Variants in IL1RAPL2 observed in about 807,000 individuals in gnomAD.
IL1RAPL2 encodes X-linked interleukin-1 receptor accessory protein-like 2.
In IL1RAPL2, 3 loss-of-function variants were observed where a neutral mutation model predicts 44.1. That is an observed-to-expected ratio of 0.07 (90% CI 0.03 to 0.18). The LOEUF is 0.18. Ranked by LOEUF, IL1RAPL2 falls within the 10% of genes least tolerant of loss-of-function variation. The pLI, the probability that IL1RAPL2 is intolerant of heterozygous loss-of-function variation, is 1.00. For missense variants in IL1RAPL2, 391 were observed against 496.4 expected (o/e 0.79, Z 2.02); for synonymous variants, 181 against 178.8 (o/e 1.01, Z -0.10).
intron 1 of IL1RAPL2, among the ~76,000 whole-genome samples, chrX:104,577,303 A>G (rs1226896159): frequency 9.0e-6 from 1 of 111,723 alleles, no homozygotes; most frequent in East Asian, 2.8e-4. Flanking sequence ...ATGCAGAAGA[A>G]TATTTAGGTA....
At chrX:105,075,678 T>C (rs1227305760) in intron 2 of IL1RAPL2, among the ~76,000 whole-genome samples, 6 of 111,971 alleles carry the variant, frequency 5.4e-5, no homozygotes, top group African/African-American at 1.9e-4. Flanking sequence ...GTCCTGGACT[T>C]TTTTTGGTTG....
intron 1 of IL1RAPL2, among the ~76,000 whole-genome samples, chrX:104,605,680 A>G (rs1928992906): frequency 8.9e-6 from 1 of 112,329 alleles, no homozygotes; most frequent in Admixed American, 9.4e-5. Context: ...ATTAGAGAAT[A>G]CTATAAACAC....
chrX:104,780,895 G>T (rs894231756), intron 2 of IL1RAPL2, among the ~76,000 whole-genome samples: 12 of 111,013 alleles, frequency 1.1e-4, no homozygotes, highest in African/African-American at 3.6e-4. Flanking sequence ...AAGCCTATTT[G>T]GTATGAACAG....
intron 5 of IL1RAPL2, among the ~76,000 whole-genome samples, chrX:105,379,995 A>T (rs2147722695): frequency 8.9e-6 from 1 of 111,778 alleles, no homozygotes; most frequent in South Asian, 3.7e-4. Flanking sequence ...GGTAATAATG[A>T]GAATCTATGA....
intron 4 of IL1RAPL2, among the ~76,000 whole-genome samples, chrX:105,240,899 C>A (rs1342141428): frequency 1.8e-5 from 2 of 110,808 alleles, no homozygotes; most frequent in Admixed American, 9.6e-5. Context: ...CTGAGGCAGG[C>A]GGATCTTTTG....
At chrX:105,406,696 A>C in intron 5 of IL1RAPL2, 11 of 1,170,051 alleles carry the variant, frequency 9.4e-6, no homozygotes, top group Non-Finnish European at 1.0e-5. Flanking sequence ...TAACTGTGCA[A>C]ATCTCCAGGG....
At chrX:104,582,822 C>CTCTCTCTT (rs1556437534) in intron 1 of IL1RAPL2, among the ~76,000 whole-genome samples, 47 of 40,656 alleles carry the variant, frequency 1.2e-3, no homozygotes, top group Admixed American at 4.1e-4. Context: ...TCCTTTCTTT[C>CTCTCTCTT]TCTTTCTTTC....
At chrX:105,491,489 A>T (rs1276880580) in intron 6 of IL1RAPL2, among the ~76,000 whole-genome samples, 1 of 111,993 alleles carries the variant, frequency 8.9e-6, no homozygotes, top group African/African-American at 3.2e-5. Flanking sequence ...ACTTTTATGT[A>T]ATCTTGAATA....
intron 2 of IL1RAPL2, among the ~76,000 whole-genome samples, chrX:104,903,902 C>A (rs1009145606): frequency 3.6e-5 from 4 of 111,394 alleles, no homozygotes; most frequent in Non-Finnish European, 7.5e-5. Context: ...TTATAGATAA[C>A]GATGATAAAT....
intron 2 of IL1RAPL2, among the ~76,000 whole-genome samples, chrX:104,842,178 T>G (rs1157627848): frequency 1.8e-5 from 2 of 109,606 alleles, no homozygotes; most frequent in Non-Finnish European, 3.8e-5. Context: ...CTTGATCGAT[T>G]CAGCTATTGA....
chrX:105,264,310 T>A (rs1464290042), intron 4 of IL1RAPL2, among the ~76,000 whole-genome samples: 1 of 111,625 alleles, frequency 9.0e-6, no homozygotes, highest in Non-Finnish European at 1.9e-5. Flanking sequence ...TCCCCAGCCA[T>A]GCAGAACTGT....
At chrX:105,515,277 G>C (rs1320842906) in intron 6 of IL1RAPL2, among the ~76,000 whole-genome samples, 1 of 111,716 alleles carries the variant, frequency 9.0e-6, no homozygotes, top group Non-Finnish European at 1.9e-5. Context: ...ATCCTTTTGA[G>C]AATCTAATGG....
intron 2 of IL1RAPL2, among the ~76,000 whole-genome samples, chrX:105,068,594 G>T (rs1252787634): frequency 3.6e-5 from 4 of 111,595 alleles, no homozygotes; most frequent in Admixed American, 9.6e-5. Context: ...AGTGAGCATT[G>T]GTTAGAAAGA....
intron 1 of IL1RAPL2, among the ~76,000 whole-genome samples, chrX:104,575,912 G>T (rs1287193035): frequency 9.0e-6 from 1 of 111,534 alleles, no homozygotes; most frequent in African/African-American, 3.3e-5. Flanking sequence ...TGAAATATCT[G>T]CTTTAAACTT....
At chrX:105,500,307 G>A (rs1270566894) in intron 6 of IL1RAPL2, among the ~76,000 whole-genome samples, 1 of 109,548 alleles carries the variant, frequency 9.1e-6, no homozygotes, top group African/African-American at 3.3e-5. Context: ...CATTTGTTAA[G>A]AGGGTAGACT....
chrX:104,987,663 C>T (rs1052582281), intron 2 of IL1RAPL2, among the ~76,000 whole-genome samples: 3 of 110,562 alleles, frequency 2.7e-5, no homozygotes, highest in Non-Finnish European at 5.7e-5. Flanking sequence ...TCCTGCCTCC[C>T]GACTGCCCAA....
At chrX:105,610,292 A>G (rs897932695) in intron 6 of IL1RAPL2, among the ~76,000 whole-genome samples, 6 of 111,824 alleles carry the variant, frequency 5.4e-5, no homozygotes, top group African/African-American at 2.0e-4. Context: ...TTTTAAAGCC[A>G]TTTTCTCTTT....
chrX:105,578,910 C>A (rs2037069615), intron 6 of IL1RAPL2, among the ~76,000 whole-genome samples: 1 of 111,786 alleles, frequency 8.9e-6, no homozygotes. Flanking sequence ...TTTATGTTGA[C>A]AGCTTTCTTT....
At chrX:105,444,151 A>G (rs1318289306) in intron 5 of IL1RAPL2, among the ~76,000 whole-genome samples, 3 of 111,879 alleles carry the variant, frequency 2.7e-5, no homozygotes, top group Admixed American at 1.9e-4. Context: ...CTTTTGAGAA[A>G]TGTCTATTCA....
Sources: gnomAD v4.1 joint callset for allele counts (sites outside exome capture counted in the v4.1 genomes callset) on GRCh38, gnomAD v4.1.1 for gene constraint, MANE v1.5 for transcripts, NCBI Gene and HGNC (gene_info 2026-07-23, HGNC 2026-07-21) for gene names.